The following TSPAN1 variants were observed in gnomAD, a reference collection of about 807,000 sequenced individuals.
TSPAN1 encodes the protein tetraspanin 1, also known as tetraspanin-1.
A neutral mutation model predicts 26.9 loss-of-function variants in TSPAN1; 23 were observed. The observed-to-expected ratio is 0.85, with a 90% CI of 0.62 to 1.21. The LOEUF is 1.21. TSPAN1 is among the 50% of genes most tolerant of loss of function. TSPAN1 has a pLI of 0.00. For missense variants in TSPAN1, 283 were observed against 298.4 expected, an observed-to-expected ratio of 0.95 and a Z score of 0.38; for synonymous variants, 115 against 114.8, an observed-to-expected ratio of 1.00 and a Z score of -0.01.
chr1:46,183,481 C>T (rs1657357001), intron 3 of TSPAN1: 1 of 152,970 alleles, frequency 6.5e-6, no homozygotes, highest in South Asian at 2.1e-4. Flanking sequence ...CCTCTAAGAT[C>T]TGTGGGAACT....
At position 46,180,507 on chromosome 1, in the gene TSPAN1, G is replaced by A. The variant is rs1338985333; in HGVS notation, c.-141-19G>A. The A allele has an allele frequency of 6.6e-6, 1 of 152,408 alleles. No individual in the cohort carries two copies. The highest frequency in any genetic ancestry group is 1.5e-5 in the Non-Finnish European group (1 of 68,196). 9.4% of individuals were successfully genotyped at this position (152,408 alleles called of 1,614,324 possible). A position where few individuals can be genotyped will look rare whatever the true frequency, so the allele number is the denominator to read the frequency against. On this transcript the variant is annotated intron_variant, in intron 1 of 8. Coordinates refer to ENST00000372003, the MANE Select transcript of TSPAN1 (RefSeq NM_005727.4). ...CAGGCGGGCAGAAGGAGGCTTTAAA[G>A]CGCCTACCCTGCCTGCAGGTGAGCA...
chr1:46,175,691 T>A (rs1657119831), intron 1 of TSPAN1: 1 of 399,736 alleles, frequency 2.5e-6, no homozygotes. Context: ...GTTCCCTGCC[T>A]CTTGGATTCA....
the TSPAN1 span, chr1:46,195,037 T>A: frequency 7.7e-7 from 1 of 1,298,240 alleles, no homozygotes; most frequent in Non-Finnish European, 1.1e-6. Flanking sequence ...ACGAACTATG[T>A]AGCAACCTTT....
the TSPAN1 span, chr1:46,193,709 T>C: frequency 2.5e-6 from 4 of 1,609,166 alleles, 1 homozygote; most frequent in East Asian, 8.9e-5. Context: ...TGTTTACAGC[T>C]GGGCCCAGAG....
At chr1:46,188,604 C>T (rs1657498589), downstream of TSPAN1, 1 of 1,478,170 alleles carries the variant, frequency 6.8e-7, no homozygotes, top group African/African-American at 1.4e-5. Flanking sequence ...AAGGAAAACT[C>T]ACCATCCAAC....
At chr1:46,188,855 T>C (rs756301736), downstream of TSPAN1, 23 of 1,612,752 alleles carry the variant, frequency 1.4e-5, no homozygotes, top group African/African-American at 2.0e-4. Flanking sequence ...AGCAGTTTCC[T>C]GAGTAAGAGC....
chr1:46,193,038 C>A, the TSPAN1 span: 1 of 1,603,300 alleles, frequency 6.2e-7, no homozygotes, highest in Non-Finnish European at 8.5e-7. Flanking sequence ...CCTCTTCTTG[C>A]AGGCAGCATT....
downstream of TSPAN1, among the ~76,000 whole-genome samples, chr1:46,188,287 T>C (rs1423815915): frequency 6.6e-6 from 1 of 152,132 alleles, no homozygotes; most frequent in Non-Finnish European, 1.5e-5. Context: ...TCCCATCCAC[T>C]TCCTTCCCAC....
chr1:46,189,918 G>A (rs556069604), downstream of TSPAN1: 34 of 1,614,092 alleles, frequency 2.1e-5, no homozygotes, highest in Middle Eastern at 6.6e-4. Flanking sequence ...GGCCACGTAG[G>A]TGTGGCCCTC....
the TSPAN1 span, chr1:46,191,164 T>C: frequency 2.9e-6 from 1 of 342,656 alleles, no homozygotes; most frequent in South Asian, 2.4e-5. Flanking sequence ...AAAAACTACT[T>C]TGACTCTGGT....
chr1:46,183,745 C>T (rs574184662), intron 3 of TSPAN1: 4 of 191,528 alleles, frequency 2.1e-5, no homozygotes, highest in East Asian at 1.2e-4. Flanking sequence ...ACCTCAGCCT[C>T]GCCTCCATTA....
chr1:46,187,293 G>A (rs959688644), downstream of TSPAN1, among the ~76,000 whole-genome samples: 1 of 152,172 alleles, frequency 6.6e-6, no homozygotes, highest in Non-Finnish European at 1.5e-5. Context: ...ACTTGAAGGG[G>A]CAGCTGGCCA....
Position 46,184,968 on chromosome 1 carries a change from C to T in TSPAN1, c.447C>T (p.Cys149=). The change falls in exon 7 of 9, where the codon TGC becomes TGT. Residue 149 remains cysteine (C), a synonymous_variant. Coordinates refer to ENST00000372003, the MANE Select transcript of TSPAN1 (RefSeq NM_005727.4). Reference sequence around the variant, plus strand: ...CCTCATCTTGTCTCCAGCTCAAGTGCTGTGGCTTCACCAACTATACGGATT... The same window carrying T: ...CCTCATCTTGTCTCCAGCTCAAGTGTTGTGGCTTCACCAACTATACGGATT... ...VWNTTMKGLK[C]CGFTNYTDFE... is the part of the protein sequence containing the mutation. 6.2e-7 allele frequency: 1 copy of T among 1,614,232 alleles called. No homozygotes were observed. Among genetic ancestry groups the T allele is most frequent in the African/African-American group, 1.3e-5 (1 of 75,052 alleles).
At chr1:46,183,649 G>T (rs1303019322) in intron 3 of TSPAN1, 1 of 170,292 alleles carries the variant, frequency 5.9e-6, no homozygotes, top group Admixed American at 5.4e-5. Context: ...CGGGCCTGAA[G>T]TTGGATTCTG....
At chr1:46,185,341 G>A (rs1312006728) in intron 8 of TSPAN1, 33 bp downstream of exon 8, 3 of 1,613,044 alleles carry the variant, frequency 1.9e-6, no homozygotes, top group Non-Finnish European at 1.7e-6. Flanking sequence ...ACTGGGACAT[G>A]GGCATGAGAC....
chr1:46,184,280 T>C lies in TSPAN1; in HGVS notation c.147T>C (p.Ser49=). The change falls in exon 4 of 9, where the codon AGT becomes AGC. Residue 49 remains serine, a synonymous_variant. Coordinates refer to ENST00000372003, the MANE Select transcript of TSPAN1 (RefSeq NM_005727.4). ...FLKIFGPLSS[S]AMQFVNVGYF... The stretch of plus-strand genomic sequence containing the variant: ...AGATCTTCGGGCCACTGTCGTCCAG[T>C]GCCATGCAGTTTGTCAACGTGGGCT... 2 of 1,614,196 alleles carry C rather than the reference T, an allele frequency of 1.2e-6. No individual in the cohort carries two copies. Among genetic ancestry groups the C allele is most frequent in the Non-Finnish European group, 1.7e-6 (2 of 1,180,028 alleles).
intron 3 of TSPAN1, among the ~76,000 whole-genome samples, chr1:46,181,710 C>T (rs1657319561): frequency 6.6e-6 from 1 of 152,194 alleles, no homozygotes; most frequent in South Asian, 2.1e-4. Flanking sequence ...AGGATCTCAG[C>T]TCCGATAAGC....
At chr1:46,195,695 A>G in the TSPAN1 span, 2 of 968,328 alleles carry the variant, frequency 2.1e-6, no homozygotes, top group African/African-American at 3.2e-5. Flanking sequence ...TTGGAACCTG[A>G]GTAACCTTCC....
chr1:46,177,349 A>ATG (rs1557663267), intron 1 of TSPAN1, among the ~76,000 whole-genome samples: 17 of 91,634 alleles, frequency 1.9e-4, no homozygotes, highest in Admixed American at 3.6e-4. Flanking sequence ...AAAAAAAAAA[A>ATG]TATATCTATC....
Sources: gnomAD v4.1 joint callset for allele counts (sites outside exome capture counted in the v4.1 genomes callset) on GRCh38, gnomAD v4.1.1 for gene constraint, MANE v1.5 for transcripts, NCBI Gene and HGNC (gene_info 2026-07-23, HGNC 2026-07-21) for gene names.